MGMT: variants seen among roughly 807,000 people sequenced by gnomAD.
MGMT encodes methylated-DNA--protein-cysteine methyltransferase.
Under a neutral mutation model 15.9 loss-of-function variants are expected in MGMT, and 14 were observed. That is an observed-to-expected ratio of 0.88 (90% CI 0.58 to 1.37). MGMT has a LOEUF of 1.37. Ranked by LOEUF, MGMT falls within the 40% of genes most tolerant of loss-of-function variation. MGMT has a pLI of 0.00. For synonymous variants in MGMT, 130 were observed against 118.2 expected (o/e 1.10, Z -0.65); for missense variants, 282 against 268.1 (o/e 1.05, Z -0.36).
intron 2 of MGMT, among the ~76,000 whole-genome samples, chr10:129,685,838 A>C (rs1271657815): frequency 6.6e-6 from 1 of 152,242 alleles, no homozygotes; most frequent in Admixed American, 6.5e-5. Context: ...CTGCATGCCC[A>C]CATCTTCCTC....
chr10:129,762,549 A>G (rs1207510455), intron 4 of MGMT, among the ~76,000 whole-genome samples: 4 of 152,032 alleles, frequency 2.6e-5, no homozygotes, highest in African/African-American at 9.7e-5. Context: ...GCGGGAGAGG[A>G]TGGTCAGTTT....
At chr10:129,662,770 G>A (rs531605349) in intron 2 of MGMT, among the ~76,000 whole-genome samples, 1 of 152,216 alleles carries the variant, frequency 6.6e-6, no homozygotes, top group East Asian at 1.9e-4. Flanking sequence ...GGAAGCAGGG[G>A]TTGCCATCTT....
In MGMT at chr10:129,470,889, G is replaced by C. The variant is rs1279137028; in HGVS notation, c.-13+3593G>C. ...TCTACAAAAACATTTTCTTAGGGTT[G>C]TTAAATTAGTCATAGTGTGTGTAAC... is the stretch of plus-strand genomic sequence containing the variant. On this transcript the variant is annotated intron_variant, in intron 1 of 4. Transcript: ENST00000651593. Among the ~76,000 whole-genome samples, 11 of 152,326 alleles carry C rather than the reference G, an allele frequency of 7.2e-5. No homozygotes were observed. The East Asian group carries it at 1.9e-3, about 27-fold the overall frequency.
chr10:129,719,205 C>A (rs1367193453), intron 3 of MGMT, among the ~76,000 whole-genome samples: 2 of 151,720 alleles, frequency 1.3e-5, no homozygotes, highest in African/African-American at 4.8e-5. Flanking sequence ...CCTTCCCGGG[C>A]TGTCTAGAGC....
intron 2 of MGMT, among the ~76,000 whole-genome samples, chr10:129,609,845 G>A (rs568256959): frequency 6.6e-6 from 1 of 152,302 alleles, no homozygotes; most frequent in Non-Finnish European, 1.5e-5. Context: ...ACCACGGGAG[G>A]CAGGCGGCAA....
intron 2 of MGMT, among the ~76,000 whole-genome samples, chr10:129,615,488 C>T (rs1033744688): frequency 6.6e-6 from 1 of 152,176 alleles, no homozygotes; most frequent in African/African-American, 2.4e-5. Flanking sequence ...GGGCAGAAGT[C>T]TGTATGTTGG....
intron 2 of MGMT, among the ~76,000 whole-genome samples, chr10:129,552,198 G>A (rs1846164747): frequency 6.6e-6 from 1 of 152,242 alleles, no homozygotes; most frequent in South Asian, 2.1e-4. Flanking sequence ...GCTCATGGCC[G>A]AGCGCCCCGT....
chr10:129,615,143 GCCTATA>G (rs572064912), intron 2 of MGMT, among the ~76,000 whole-genome samples: 29 of 152,198 alleles, frequency 1.9e-4, no homozygotes, highest in Non-Finnish European at 4.1e-4. Flanking sequence ...GGAGTGAGAT[GCCTATA>G]TTGGGCAGCT....
chr10:129,503,910 G>A (rs925265088), intron 1 of MGMT, among the ~76,000 whole-genome samples: 4 of 152,142 alleles, frequency 2.6e-5, no homozygotes, highest in African/African-American at 9.7e-5. Context: ...GTTTTTTTAA[G>A]TTTAAAGGCG....
chr10:129,693,708 G>A (rs1308338763), intron 2 of MGMT: 2 of 152,250 alleles, frequency 1.3e-5, no homozygotes, highest in East Asian at 1.9e-4. Flanking sequence ...TTCGAGACCA[G>A]ACTGACCAAC....
At chr10:129,517,680 C>T (rs983791711) in intron 1 of MGMT, among the ~76,000 whole-genome samples, 2 of 152,180 alleles carry the variant, frequency 1.3e-5, no homozygotes, top group African/African-American at 4.8e-5. Context: ...TCGCCTCTGT[C>T]CTTTTCCTGT....
intron 2 of MGMT, among the ~76,000 whole-genome samples, chr10:129,570,723 C>A (rs1686738362): frequency 6.6e-6 from 1 of 152,168 alleles, no homozygotes; most frequent in Admixed American, 6.5e-5. Flanking sequence ...TTCATCGATT[C>A]TTGACCTGCG....
In MGMT at chr10:129,759,310, G is replaced by A. The variant is rs3750824; in HGVS notation, c.383G>A (p.Arg128Gln). ...AALAGNPKAA[R>Q]AVGGAMRGNP... Reference sequence around the variant, plus strand: ...CTGGCAGGCAACCCCAAAGCCGCGCGAGCAGTGGGAGGAGCAATGAGAGGC... The same window carrying A: ...CTGGCAGGCAACCCCAAAGCCGCGCAAGCAGTGGGAGGAGCAATGAGAGGC... The change falls in exon 4 of 5, where the codon CGA (arginine) becomes CAA (glutamine). Residue 128 changes from arginine to glutamine, a missense_variant. By Grantham distance (43) the Arg-to-Gln change is conservative. Transcript: ENST00000651593. 4.8e-4 allele frequency: 777 copies of A among 1,614,164 alleles called. 17 individuals carry two copies. In the South Asian group the frequency reaches 5.8e-3, roughly 12 times the overall value.
chr10:129,645,706 C>T (rs933971763), intron 2 of MGMT, among the ~76,000 whole-genome samples: 1 of 152,208 alleles, frequency 6.6e-6, no homozygotes, highest in African/African-American at 2.4e-5. Context: ...CAGTGGCTCC[C>T]CCTGCCACTT....
At chr10:129,715,336 G>A (rs1006380284) in intron 3 of MGMT, among the ~76,000 whole-genome samples, 8 of 152,164 alleles carry the variant, frequency 5.3e-5, no homozygotes, top group Admixed American at 5.2e-4. Flanking sequence ...GGCCTTGAGT[G>A]GACTTCTCAA....
intron 2 of MGMT, among the ~76,000 whole-genome samples, chr10:129,602,137 G>C (rs750130651): frequency 2.0e-5 from 3 of 152,102 alleles, no homozygotes; most frequent in Admixed American, 6.6e-5. Context: ...CTTTAGGGGA[G>C]AAATATTTTC....
chr10:129,531,135 C>T (rs187984749), intron 1 of MGMT, among the ~76,000 whole-genome samples: 10 of 152,242 alleles, frequency 6.6e-5, no homozygotes, highest in Non-Finnish European at 1.2e-4. Flanking sequence ...TGGCCTCCCC[C>T]GTTGAATGGC....
chr10:129,579,543 C>T (rs1846527896), intron 2 of MGMT, among the ~76,000 whole-genome samples: 1 of 152,224 alleles, frequency 6.6e-6, no homozygotes, highest in African/African-American at 2.4e-5. Context: ...TAAGGCAGGA[C>T]ATCTTTAGGA....
At chr10:129,525,956 C>A (rs1236767658) in intron 1 of MGMT, among the ~76,000 whole-genome samples, 1 of 152,194 alleles carries the variant, frequency 6.6e-6, no homozygotes, top group Non-Finnish European at 1.5e-5. Flanking sequence ...GTTTGACATC[C>A]TAGGTGGCAG....
Sources: gnomAD v4.1 joint callset for allele counts (sites outside exome capture counted in the v4.1 genomes callset) on GRCh38, gnomAD v4.1.1 for gene constraint, MANE v1.5 for transcripts, NCBI Gene and HGNC (gene_info 2026-07-23, HGNC 2026-07-21) for gene names.